Variants in SPIDR observed in about 807,000 individuals in gnomAD.
The protein encoded by SPIDR is DNA repair-scaffolding protein.
A neutral mutation model predicts 104.6 loss-of-function variants in SPIDR; 93 were observed. That is an observed-to-expected ratio of 0.89 (90% confidence interval 0.75 to 1.06). The LOEUF is 1.06. Among genes scored for constraint, SPIDR ranks in the 50% least tolerant of loss-of-function variants. The pLI is 0.00. For missense variants in SPIDR, 1,154 were observed against 1,111.2 expected (o/e 1.04, Z -0.55); for synonymous variants, 431 against 416.9 (o/e 1.03, Z -0.41).
intron 5 of SPIDR, among the ~76,000 whole-genome samples, chr8:47,348,398 A>G (rs900884779): frequency 1.3e-5 from 2 of 151,808 alleles, no homozygotes; most frequent in Admixed American, 6.6e-5. Flanking sequence ...CTTCATTTCA[A>G]CCTTGGTGAA....
chr8:47,463,483 C>A (rs2074278370), intron 8 of SPIDR, among the ~76,000 whole-genome samples: 2 of 151,982 alleles, frequency 1.3e-5, no homozygotes, highest in Admixed American at 6.6e-5. Context: ...CAAATTCCTC[C>A]CAAAAATTGA....
chr8:47,450,142 G>A (rs2071431955), intron 8 of SPIDR, among the ~76,000 whole-genome samples: 1 of 152,090 alleles, frequency 6.6e-6, no homozygotes, highest in African/African-American at 2.4e-5. Flanking sequence ...TTCAGCCTGG[G>A]TAACAGAGTA....
At chr8:47,294,101 T>G (rs1442385727) in intron 5 of SPIDR, 71 bp downstream of exon 5, 25 of 1,537,270 alleles carry the variant, frequency 1.6e-5, no homozygotes, top group African/African-American at 2.8e-5. Flanking sequence ...CATTTTTTTT[T>G]TTGTTTTTTT....
chr8:47,394,704 G>T (rs2061048116), intron 5 of SPIDR, among the ~76,000 whole-genome samples: 1 of 152,178 alleles, frequency 6.6e-6, no homozygotes, highest in African/African-American at 2.4e-5. Context: ...TAACAGAAAA[G>T]ATGAAGTTAA....
chr8:47,729,342 A>G, intron 18 of SPIDR, 70 bp from the exon 19 acceptor site: 1 of 1,537,308 alleles, frequency 6.5e-7, no homozygotes, highest in East Asian at 2.4e-5. Context: ...ATTTTCGGGA[A>G]TGAGTGATTT....
At position 47,307,910 on chromosome 8, in the gene SPIDR, C is replaced by T. The variant is rs2043383666; in HGVS notation, c.525+13880C>T. On this transcript the variant is annotated intron_variant, in intron 5 of 19. Transcript: ENST00000297423. ...GGAAGGTCTGCCATCAGGTCTTTTT[C>T]AAGGACAGTTGTGTTGTTTTATTTT... Among the ~76,000 whole-genome samples, 3 of 152,084 alleles carry T rather than the reference C, an allele frequency of 2.0e-5. No individual in the cohort carries two copies. In the South Asian group the frequency reaches 6.2e-4, roughly 32 times the overall value.
In SPIDR at chr8:47,310,294, G is replaced by A. The variant is rs587645267; in HGVS notation, c.525+16264G>A. On this transcript the variant is annotated intron_variant, in intron 5 of 19. Transcript: ENST00000297423. ...GGTCGCAGTGAGCTGAGATCGCGCCGCTGCACTCCAGCCTGGGTGACAGAA... is the reference window on the plus strand; with the variant it reads ...GGTCGCAGTGAGCTGAGATCGCGCCACTGCACTCCAGCCTGGGTGACAGAA... 4.7e-3 allele frequency among the ~76,000 whole-genome samples: 672 copies of A among 142,776 alleles called. 4 individuals carry two copies. The highest frequency in any genetic ancestry group is 0.016 in the African/African-American group (612 of 38,110). The allele number at this position is 142,776 out of a possible 152,430, so 93.7% of individuals were successfully genotyped here.
chr8:47,667,164 C>T (rs930460139), intron 10 of SPIDR, among the ~76,000 whole-genome samples: 1 of 151,978 alleles, frequency 6.6e-6, no homozygotes, highest in Non-Finnish European at 1.5e-5. Context: ...GCCTGTAGTC[C>T]CAGCTACTTG....
chr8:47,489,929 G>C (rs1299882191), intron 8 of SPIDR, among the ~76,000 whole-genome samples: 7 of 152,018 alleles, frequency 4.6e-5, no homozygotes, highest in Admixed American at 2.6e-4. Flanking sequence ...TACCATTCAG[G>C]ACATAGGCAT....
chr8:47,643,597 C>T (rs565538518), intron 10 of SPIDR, among the ~76,000 whole-genome samples: 1 of 152,230 alleles, frequency 6.6e-6, no homozygotes, highest in Middle Eastern at 3.4e-3. Context: ...AACTCCTAGG[C>T]TCAAGTGATC....
At chr8:47,555,722 C>T (rs578048351) in intron 8 of SPIDR, among the ~76,000 whole-genome samples, 1 of 152,244 alleles carries the variant, frequency 6.6e-6, no homozygotes, top group East Asian at 1.9e-4. Context: ...AATACATGGC[C>T]TGTATCCTCT....
chr8:47,555,927 G>T (rs1187113804), intron 8 of SPIDR, among the ~76,000 whole-genome samples: 1 of 152,226 alleles, frequency 6.6e-6, no homozygotes, highest in East Asian at 1.9e-4. Context: ...TAGTCTGTCT[G>T]TCTGACAGGG....
At chr8:47,572,708 A>ATAAATAAATAAATAAATAAC (rs1381705109) in intron 8 of SPIDR, among the ~76,000 whole-genome samples, 7 of 148,360 alleles carry the variant, frequency 4.7e-5, no homozygotes, top group Non-Finnish European at 7.4e-5. Context: ...AAATAAATAA[A>ATAAATAAATAAATAAATAAC]TAACTTGTAC....
intron 5 of SPIDR, among the ~76,000 whole-genome samples, chr8:47,379,766 C>T (rs1455974516): frequency 2.6e-5 from 4 of 152,158 alleles, no homozygotes; most frequent in Non-Finnish European, 4.4e-5. Flanking sequence ...TATTCAAGCC[C>T]ATGTGCCTGC....
intron 7 of SPIDR, among the ~76,000 whole-genome samples, chr8:47,411,690 T>C (rs1327105546): frequency 6.6e-6 from 1 of 152,212 alleles, no homozygotes; most frequent in Admixed American, 6.5e-5. Flanking sequence ...TGGCTTTTGT[T>C]GCCATTGCTT....
chr8:47,452,693 G>A (rs2072061253), intron 8 of SPIDR, among the ~76,000 whole-genome samples: 1 of 152,128 alleles, frequency 6.6e-6, no homozygotes, highest in South Asian at 2.1e-4. Context: ...AATAAATTAG[G>A]TATTGATGGG....
At chr8:47,681,362 C>T (rs1399263091) in intron 11 of SPIDR, among the ~76,000 whole-genome samples, 2 of 152,068 alleles carry the variant, frequency 1.3e-5, no homozygotes, top group East Asian at 3.9e-4. Flanking sequence ...GCATTCTAAG[C>T]ATCCGGATTG....
chr8:47,357,776 G>GA (rs1554626744), intron 5 of SPIDR: 45 of 820,166 alleles, frequency 5.5e-5, no homozygotes, highest in South Asian at 1.1e-4. Context: ...TTGGAGTTCT[G>GA]AAAAAAAATT....
chr8:47,668,750 A>G (rs1289877212), intron 10 of SPIDR, among the ~76,000 whole-genome samples: 1 of 152,248 alleles, frequency 6.6e-6, no homozygotes, highest in Non-Finnish European at 1.5e-5. Flanking sequence ...CGGATTACAA[A>G]TAGTAATTGA....
Sources: allele counts gnomAD v4.1 joint callset (sites outside exome capture counted in the v4.1 genomes callset), GRCh38; gene constraint gnomAD v4.1.1; transcripts MANE v1.5; gene names NCBI Gene and HGNC (gene_info 2026-07-23, HGNC 2026-07-21).